The following TMEM132D variants were observed in gnomAD, a reference collection of about 807,000 sequenced individuals.
TMEM132D encodes the protein transmembrane protein 132D, also known as mature OL transmembrane protein.
TMEM132D carries 21 observed loss-of-function variants against 62.3 expected under a neutral mutation model. The ratio of observed to expected loss-of-function variants is 0.34; its 90% CI spans 0.24 to 0.49. The LOEUF (loss-of-function observed/expected upper bound fraction) is 0.49. Among genes scored for constraint, TMEM132D ranks in the 20% least tolerant of loss-of-function variants. TMEM132D has a pLI of 0.99. For synonymous variants in TMEM132D, 621 were observed against 575.6 expected, an observed-to-expected ratio of 1.08 and a Z score of -1.13; for missense variants, 1,346 against 1,402.8, an observed-to-expected ratio of 0.96 and a Z score of 0.65.
chr12:129,706,567 G>T (rs1299872396), intron 1 of TMEM132D, among the ~76,000 whole-genome samples: 1 of 151,702 alleles, frequency 6.6e-6, no homozygotes, highest in African/African-American at 2.4e-5. Flanking sequence ...CTCCTTTTCC[G>T]GTCTCTGACT....
chr12:129,708,640 C>T, intron 1 of TMEM132D, among the ~76,000 whole-genome samples: 1 of 124,456 alleles, frequency 8.0e-6, no homozygotes, highest in African/African-American at 3.2e-5. Flanking sequence ...AACACACACA[C>T]ACACACACAC....
At chr12:129,596,328 C>A (rs550141269) in intron 2 of TMEM132D, among the ~76,000 whole-genome samples, 2 of 152,122 alleles carry the variant, frequency 1.3e-5, no homozygotes, top group African/African-American at 2.4e-5. Flanking sequence ...TCTGGTGAGA[C>A]GATGTTCTTC....
At chr12:129,839,907 A>G (rs1339785920) in intron 1 of TMEM132D, 1 of 152,150 alleles carries the variant, frequency 6.6e-6, no homozygotes, top group Admixed American at 6.5e-5. Flanking sequence ...GCTCCCACAC[A>G]GAACGTCCGT....
intron 4 of TMEM132D, among the ~76,000 whole-genome samples, chr12:129,323,753 G>A (rs1445797745): frequency 6.6e-6 from 1 of 152,146 alleles, no homozygotes; most frequent in African/African-American, 2.4e-5. Context: ...CTTCATTCAG[G>A]GTCACAGTGC....
intron 3 of TMEM132D, among the ~76,000 whole-genome samples, chr12:129,432,349 G>C (rs982566505): frequency 2.1e-5 from 3 of 139,680 alleles, no homozygotes; most frequent in Admixed American, 7.4e-5. Flanking sequence ...ATGGATGGAT[G>C]AATGGATGGA....
chr12:129,166,798 T>G (rs201280673), intron 5 of TMEM132D, among the ~76,000 whole-genome samples: 3 of 53,114 alleles, frequency 5.6e-5, no homozygotes, highest in Admixed American at 5.3e-4. Context: ...TATATATATA[T>G]ATATATATAT....
intron 1 of TMEM132D, among the ~76,000 whole-genome samples, chr12:129,766,867 C>T (rs1011100436): frequency 3.3e-5 from 5 of 152,144 alleles, no homozygotes; most frequent in Admixed American, 6.5e-5. Context: ...CCATAAGAGA[C>T]GCCCACCAGT....
At chr12:129,578,454 G>T (rs572650696) in intron 2 of TMEM132D, among the ~76,000 whole-genome samples, 41 of 136,732 alleles carry the variant, frequency 3.0e-4, no homozygotes, top group African/African-American at 1.0e-3. Flanking sequence ...ATATATATAT[G>T]ACTAATAATA....
chr12:129,152,812 G>T (rs898976677), intron 5 of TMEM132D, among the ~76,000 whole-genome samples: 1 of 152,156 alleles, frequency 6.6e-6, no homozygotes, highest in Admixed American at 6.5e-5. Flanking sequence ...TCTGCAAACC[G>T]TTTCCCGGGC....
At chr12:129,087,561 A>G (rs1260253920) in intron 5 of TMEM132D, among the ~76,000 whole-genome samples, 2 of 151,744 alleles carry the variant, frequency 1.3e-5, no homozygotes, top group Non-Finnish European at 2.9e-5. Context: ...GACCACAGAA[A>G]CAAGACGCTG....
At position 129,676,230 on chromosome 12, in the gene TMEM132D, A is replaced by G. The variant is rs181580831; in HGVS notation, c.968+23580T>C. 5.3e-5 allele frequency among the ~76,000 whole-genome samples: 8 copies of G among 152,304 alleles called. No homozygotes were observed. The East Asian group carries it at 9.7e-4, about 18-fold the overall frequency. On this transcript the variant is annotated intron_variant, in intron 2 of 8. Coordinates refer to ENST00000422113, the MANE Select transcript of TMEM132D (RefSeq NM_133448.3). The stretch of plus-strand genomic sequence containing the variant: ...GATGATGGGGGCAGGGAGGAATGCT[A>G]CTTGAGATGTAGTAGTAGTACTTGA...
chr12:129,861,460 C>T (rs1873893436), intron 1 of TMEM132D, among the ~76,000 whole-genome samples: 1 of 152,186 alleles, frequency 6.6e-6, no homozygotes, highest in Admixed American at 6.5e-5. Context: ...AAGATGTAGG[C>T]TTAGTTAAAT....
rs79952645 is a variant in TMEM132D at position 129,103,253 on chromosome 12, T to G, written c.1444-18551A>C. 5.0e-3 allele frequency among the ~76,000 whole-genome samples: 763 copies of G among 152,308 alleles called. 5 individuals are homozygous for G. Among genetic ancestry groups the G allele is most frequent in the Admixed American group, 0.015 (224 of 15,304 alleles). On this transcript the variant is annotated intron_variant, in intron 5 of 8. Transcript: ENST00000422113. ...TGTCTTCTTGCTGTTCCCATGAGCA[T>G]TAGGACAGTAATGCTTCACCCCACA...
rs138284670 is a variant in TMEM132D at position 129,224,049 on chromosome 12, A to C, written c.1300-14386T>G. ...CCTCATCCCCCTAGTATGACAGCCC[A>C]AAATGTCTCCAGTCATCGCCAGTGT... On this transcript the variant is annotated intron_variant, in intron 4 of 8. Transcript: ENST00000422113. Among the ~76,000 whole-genome samples, 902 of 152,270 alleles carry C rather than the reference A, an allele frequency of 5.9e-3. 6 individuals are homozygous for C. The highest frequency in any genetic ancestry group is 0.021 in the African/African-American group (857 of 41,536).
intron 2 of TMEM132D, among the ~76,000 whole-genome samples, chr12:129,668,642 C>A (rs1338518742): frequency 1.3e-5 from 2 of 152,140 alleles, no homozygotes; most frequent in Non-Finnish European, 2.9e-5. Flanking sequence ...GTAAAATATA[C>A]CCCTGTGAAC....
At chr12:129,630,407 G>A (rs1035949418) in intron 2 of TMEM132D, among the ~76,000 whole-genome samples, 1 of 151,084 alleles carries the variant, frequency 6.6e-6, no homozygotes, top group Non-Finnish European at 1.5e-5. Flanking sequence ...GCTGAAAATG[G>A]CTCATTTTCA....
chr12:129,147,765 T>C (rs1876954070), intron 5 of TMEM132D, among the ~76,000 whole-genome samples: 1 of 152,230 alleles, frequency 6.6e-6, no homozygotes, highest in South Asian at 2.1e-4. Context: ...GGCTGCTATG[T>C]CCACTCTGTA....
At chr12:129,165,328 A>G (rs1437178407) in intron 5 of TMEM132D, among the ~76,000 whole-genome samples, 1 of 152,186 alleles carries the variant, frequency 6.6e-6, no homozygotes, top group African/African-American at 2.4e-5. Flanking sequence ...ATCACTGGGC[A>G]CTCTTAAGAT....
At chr12:129,193,572 C>G (rs1423652799) in intron 5 of TMEM132D, among the ~76,000 whole-genome samples, 1 of 152,148 alleles carries the variant, frequency 6.6e-6, no homozygotes, top group Admixed American at 6.5e-5. Flanking sequence ...CTAAAATAAC[C>G]TATTAAACAC....
Sources: gnomAD v4.1 joint callset for allele counts (sites outside exome capture counted in the v4.1 genomes callset) on GRCh38, gnomAD v4.1.1 for gene constraint, MANE v1.5 for transcripts, NCBI Gene and HGNC (gene_info 2026-07-23, HGNC 2026-07-21) for gene names.